APC: variants seen among roughly 807,000 people sequenced by gnomAD.
The protein encoded by APC is adenomatous polyposis coli protein.
In APC, 72 loss-of-function variants were observed where a neutral mutation model predicts 247.0. The ratio of observed to expected loss-of-function variants is 0.29; its 90% CI spans 0.24 to 0.35. The LOEUF (loss-of-function observed/expected upper bound fraction) is 0.35, where lower values mean the gene tolerates loss of function less well. Among genes scored for constraint, APC ranks in the 10% least tolerant of loss-of-function variants. The pLI is 1.00. For missense variants in APC, 3,400 were observed against 3,360.7 expected, an observed-to-expected ratio of 1.01 and a Z score of -0.29; for synonymous variants, 1,254 against 1,162.5, an observed-to-expected ratio of 1.08 and a Z score of -1.60.
chr5:112,773,343 T>C (rs1757261875), intron 4 of APC, among the ~76,000 whole-genome samples: 1 of 152,086 alleles, frequency 6.6e-6, no homozygotes, highest in Admixed American at 6.6e-5. Context: ...ATGACCAAAC[T>C]CCAGAATCTG....
intron 1 of APC, chr5:112,708,011 C>G: frequency 1.0e-6 from 1 of 963,786 alleles, no homozygotes; most frequent in Non-Finnish European, 1.4e-6. Flanking sequence ...CTCACCCTCT[C>G]CCCTCCCCGC....
intron 1 of APC, among the ~76,000 whole-genome samples, chr5:112,747,970 C>T (rs181100652): frequency 6.6e-6 from 1 of 152,304 alleles, no homozygotes; most frequent in East Asian, 1.9e-4. Context: ...AGAGCATGGG[C>T]ATGCCCATCT....
At chr5:112,715,176 TCAA>T (rs1412129573) in intron 1 of APC, among the ~76,000 whole-genome samples, 1 of 152,226 alleles carries the variant, frequency 6.6e-6, no homozygotes, top group Non-Finnish European at 1.5e-5. Flanking sequence ...TGTCATTTTC[TCAA>T]CAAAACCAAA....
At chr5:112,816,463 A>G (rs925349118) in intron 9 of APC, among the ~76,000 whole-genome samples, 2 of 152,190 alleles carry the variant, frequency 1.3e-5, no homozygotes, top group African/African-American at 4.8e-5. Flanking sequence ...GATGTTAGCA[A>G]ATATTTTAGG....
chr5:112,759,577 C>T lies in APC; in HGVS notation c.135+4552C>T, dbSNP rs540137822. Among the ~76,000 whole-genome samples the T allele has an allele frequency of 3.3e-5, 5 of 152,058 alleles. No homozygotes were observed. In the East Asian group the frequency reaches 9.7e-4, roughly 29 times the overall value. On this transcript the variant is annotated intron_variant, in intron 2 of 15. Transcript: ENST00000257430. ...TTCGCCATGTTAGCCAGGATGTTCTCAATTTCTTGACCTTGTGATCCTCCT... is the reference window on the plus strand; with the variant it reads ...TTCGCCATGTTAGCCAGGATGTTCTTAATTTCTTGACCTTGTGATCCTCCT...
chr5:112,802,440 T>C (rs1460625072), intron 8 of APC, among the ~76,000 whole-genome samples: 1 of 152,034 alleles, frequency 6.6e-6, no homozygotes, highest in Admixed American at 6.6e-5. Context: ...CCTACACATA[T>C]GTAGAAGGAA....
chr5:112,816,818 A>G (rs754932661), intron 9 of APC, among the ~76,000 whole-genome samples: 19 of 151,858 alleles, frequency 1.3e-4, no homozygotes, highest in Non-Finnish European at 2.5e-4. Flanking sequence ...AGAGGAAAAT[A>G]TAGTTACTTT....
At chr5:112,794,533 C>G (rs758397937) in intron 7 of APC, among the ~76,000 whole-genome samples, 1 of 152,206 alleles carries the variant, frequency 6.6e-6, no homozygotes, top group Non-Finnish European at 1.5e-5. Context: ...AGTCACAAGA[C>G]TGTCCACTTC....
intron 7 of APC, among the ~76,000 whole-genome samples, chr5:112,794,185 T>C (rs906552670): frequency 2.0e-5 from 3 of 152,078 alleles, no homozygotes; most frequent in African/African-American, 4.8e-5. Context: ...CTCTGCTTCC[T>C]GGGTTCAAGT....
At chr5:112,718,693 G>A (rs1477742115) in intron 1 of APC, among the ~76,000 whole-genome samples, 1 of 152,184 alleles carries the variant, frequency 6.6e-6, no homozygotes, top group East Asian at 1.9e-4. Context: ...TTATTTTGCT[G>A]GTTATTTGGT....
In APC at chr5:112,835,073, C is replaced by T. The variant is rs876658355; in HGVS notation, c.1866C>T (p.Tyr622=). 12 of 1,614,096 alleles carry T rather than the reference C, an allele frequency of 7.4e-6. No individual in the cohort carries two copies. Among genetic ancestry groups the T allele is most frequent in the Non-Finnish European group, 1.0e-5 (12 of 1,179,984 alleles). ...ALAFLVGTLT[Y]RSQTNTLAII... is the part of the protein sequence containing the mutation. ...CATTTTTGGTTGGCACTCTTACTTA[C>T]CGGAGCCAGACAAACACTTTAGCCA... Residue 622 remains tyrosine (Y), a synonymous_variant, in exon 15 of 16, where the codon TAC becomes TAT. Transcript: ENST00000257430.
chr5:112,819,724 C>A (rs1247784131), intron 10 of APC, among the ~76,000 whole-genome samples: 1 of 152,184 alleles, frequency 6.6e-6, no homozygotes, highest in Non-Finnish European at 1.5e-5. Flanking sequence ...AAACCATAAT[C>A]TTTTACATTT....
intron 1 of APC, among the ~76,000 whole-genome samples, chr5:112,745,689 C>A (rs547867739): frequency 4.6e-5 from 7 of 152,014 alleles, no homozygotes; most frequent in African/African-American, 1.2e-4. Flanking sequence ...CCCCCCACCC[C>A]ACACCATAGC....
chr5:112,720,723 A>G (rs1029084983), intron 1 of APC, among the ~76,000 whole-genome samples: 2 of 152,236 alleles, frequency 1.3e-5, no homozygotes, highest in Non-Finnish European at 2.9e-5. Context: ...CAAACTTTCC[A>G]GGAGACATAG....
chr5:112,840,134 C>T lies in APC; in HGVS notation c.4540C>T (p.Pro1514Ser), dbSNP rs1060503266. The T allele has an allele frequency of 6.2e-7, 1 of 1,614,008 alleles. No homozygotes were observed. Among genetic ancestry groups the T allele is most frequent in the Non-Finnish European group, 8.5e-7 (1 of 1,179,986 alleles). ...CCTGAGTGCTCTGAGCCTCGATGAG[C>T]CATTTATACAGAAAGATGTGGAATT... Reference protein sequence around the residue: ...SSLSALSLDEPFIQKDVELRI... With the variant: ...SSLSALSLDESFIQKDVELRI... The change falls in exon 16 of 16, where the codon CCA becomes TCA. Residue 1514 changes from proline to serine, a missense_variant. Physicochemically the swap from Pro to Ser is moderately conservative, Grantham distance 74 (BLOSUM62 -1). This residue lies in a region of APC where 1,788 missense variants were observed against 1,649.5 expected (regional missense o/e 1.08). Transcript: ENST00000257430. This position sits in a 1 kb window ranked among gnomAD's most constrained non-coding sequence, Gnocchi z 4.1.
chr5:112,756,302 G>A (rs548550387), intron 2 of APC, among the ~76,000 whole-genome samples: 46 of 152,252 alleles, frequency 3.0e-4, no homozygotes, highest in African/African-American at 9.4e-4. Flanking sequence ...ACTGTCCCCA[G>A]CAATGACAGA....
rs1750604976 is a variant in APC, at chr5:112,707,750, C to G, written c.33C>G (p.Ala11=). The change falls in exon 1 of 14, where the codon GCC becomes GCG. Residue 11 remains alanine, a synonymous_variant. Coordinates refer to the APC transcript ENST00000507379. ...CCTCCCTGGGCTCGGGTCCGGTCGC[C>G]CCTTTGCCCGCTTCTGTACCACCCT... 2.2e-6 allele frequency: 3 copies of G among 1,370,646 alleles called. No homozygotes were observed. The African/African-American group carries it at 4.3e-5, about 20-fold the overall frequency. 84.9% of individuals were successfully genotyped at this position (1,370,646 alleles called of 1,614,324 possible). A position where few individuals can be genotyped will look rare whatever the true frequency, so the allele number is the denominator to read the frequency against.
At position 112,751,343 on chromosome 5, in the gene APC, A is replaced by G. The variant is rs148697149; in HGVS notation, c.-18-3530A>G. 4.4e-3 allele frequency among the ~76,000 whole-genome samples: 665 copies of G among 152,110 alleles called. 7 individuals are homozygous for G. Among genetic ancestry groups the G allele is most frequent in the African/African-American group, 0.015 (639 of 41,526 alleles). ...TCCCTGCTCTTCTTTCATATTTTCA[A>G]TTTTTTAAATGTCTAGCTGCAGAAA... On this transcript the variant is annotated intron_variant, in intron 1 of 15. Coordinates refer to ENST00000257430, the MANE Select transcript of APC (RefSeq NM_000038.6).
intron 1 of APC, chr5:112,708,023 C>T (rs1051287831): frequency 1.4e-5 from 13 of 902,556 alleles, no homozygotes; most frequent in African/African-American, 1.4e-4. Context: ...CCTCCCCGCA[C>T]TCCCCATTCA....
Sources: gnomAD v4.1 joint callset for allele counts (sites outside exome capture counted in the v4.1 genomes callset) on GRCh38, gnomAD v4.1.1 for gene constraint, gnomAD v4.1.1 regional missense constraint, Gnocchi (gnomAD v3.1) non-coding constraint, MANE v1.5 for transcripts, NCBI Gene and HGNC (gene_info 2026-07-23, HGNC 2026-07-21) for gene names.